The following ADAMTS6 variants were observed in gnomAD, a reference collection of about 807,000 sequenced individuals.
ADAMTS6 encodes the protein ADAM metallopeptidase with thrombospondin type 1 motif 6.
ADAMTS6 carries 23 observed loss-of-function variants against 144.3 expected under a neutral mutation model. The observed-to-expected ratio is 0.16, with a 90% CI of 0.11 to 0.23. The LOEUF is 0.23. Ranked by LOEUF, ADAMTS6 falls within the 10% of genes least tolerant of loss-of-function variation. The pLI is 1.00. For missense variants in ADAMTS6, 999 were observed against 1,379.6 expected (o/e 0.72, Z 4.37); for synonymous variants, 444 against 457.5 (o/e 0.97, Z 0.38).
At chr5:65,350,438 C>A (rs1344903995) in intron 7 of ADAMTS6, among the ~76,000 whole-genome samples, 2 of 152,126 alleles carry the variant, frequency 1.3e-5, no homozygotes, top group Non-Finnish European at 2.9e-5. Flanking sequence ...CGAACTTTCT[C>A]CAACTTTTCC....
intron 7 of ADAMTS6, among the ~76,000 whole-genome samples, chr5:65,405,684 A>G (rs1224023757): frequency 2.0e-5 from 3 of 152,178 alleles, no homozygotes. Flanking sequence ...TCTTTGAAGA[A>G]AGTCATTGGT....
chr5:65,270,038 C>T (rs1761937668), intron 12 of ADAMTS6, among the ~76,000 whole-genome samples: 1 of 152,120 alleles, frequency 6.6e-6, no homozygotes, highest in African/African-American at 2.4e-5. Context: ...AGGTGATCAG[C>T]CCACCTAGGC....
At chr5:65,370,443 A>C (rs7722316) in intron 7 of ADAMTS6, among the ~76,000 whole-genome samples, 87,135 of 152,048 alleles carry the variant, frequency 0.57, 26,419 homozygotes, top group African/African-American at 0.78. Flanking sequence ...CGAAGCAGGG[A>C]GAGGCATTGC....
chr5:65,225,970 T>G, intron 16 of ADAMTS6, 116 bp downstream of exon 16: 1 of 1,118,446 alleles, frequency 8.9e-7, no homozygotes, highest in Non-Finnish European at 1.2e-6. Context: ...AAATTGAATT[T>G]CTCTAAAATG....
intron 7 of ADAMTS6, 112 bp from the exon 8 acceptor site, chr5:65,334,197 G>A: frequency 1.6e-6 from 2 of 1,216,038 alleles, no homozygotes; most frequent in Non-Finnish European, 2.3e-6. Flanking sequence ...ATGCAATTAT[G>A]AGCAATCAAC....
intron 18 of ADAMTS6, among the ~76,000 whole-genome samples, chr5:65,219,930 G>A (rs1350976512): frequency 1.3e-5 from 2 of 152,066 alleles, no homozygotes; most frequent in East Asian, 1.9e-4. Context: ...GGGAGATATC[G>A]ACGTAATTCT....
intron 9 of ADAMTS6, among the ~76,000 whole-genome samples, chr5:65,318,921 G>T (rs964969040): frequency 6.6e-6 from 1 of 151,952 alleles, no homozygotes; most frequent in African/African-American, 2.4e-5. Flanking sequence ...ATGCTTGAGG[G>T]GTTGGATACC....
At chr5:65,171,071 A>T (rs944577369) in intron 23 of ADAMTS6, among the ~76,000 whole-genome samples, 3 of 151,284 alleles carry the variant, frequency 2.0e-5, no homozygotes, top group Non-Finnish European at 4.4e-5. Flanking sequence ...GTGCAGTGGC[A>T]CAATCTCAAC....
chr5:65,296,719 C>T (rs962561104), intron 10 of ADAMTS6, among the ~76,000 whole-genome samples: 19 of 152,164 alleles, frequency 1.2e-4, no homozygotes, highest in African/African-American at 4.3e-4. Context: ...CCTAGGTCAA[C>T]TCCGACTGTA....
At chr5:65,291,172 T>A (rs369268339) in intron 11 of ADAMTS6, among the ~76,000 whole-genome samples, 157 bp downstream of exon 11, 1 of 152,168 alleles carries the variant, frequency 6.6e-6, no homozygotes, top group African/African-American at 2.4e-5. Context: ...AGAAAAAATA[T>A]TGTACATATG....
intron 11 of ADAMTS6, among the ~76,000 whole-genome samples, chr5:65,288,773 C>T (rs1741993776): frequency 6.6e-6 from 1 of 152,204 alleles, no homozygotes; most frequent in Non-Finnish European, 1.5e-5. Flanking sequence ...GTGTTCATTT[C>T]AGCATGCTAC....
intron 24 of ADAMTS6, among the ~76,000 whole-genome samples, chr5:65,169,890 GA>G (rs1425581837): frequency 1.7e-5 from 2 of 119,358 alleles, no homozygotes; most frequent in Non-Finnish European, 3.3e-5. Flanking sequence ...CTGTGGTGGG[GA>G]GGGGGGAGGG....
At chr5:65,294,270 A>G (rs1388982121) in intron 10 of ADAMTS6, among the ~76,000 whole-genome samples, 1 of 152,162 alleles carries the variant, frequency 6.6e-6, no homozygotes, top group Admixed American at 6.6e-5. Flanking sequence ...CCCAGGCTGG[A>G]GTGAAGTGGC....
At chr5:65,171,055 G>A (rs1753594722) in intron 23 of ADAMTS6, among the ~76,000 whole-genome samples, 1 of 151,382 alleles carries the variant, frequency 6.6e-6, no homozygotes, top group African/African-American at 2.4e-5. Context: ...TGTCGCTCAG[G>A]CTGGAGTGCA....
At chr5:65,296,923 G>T (rs1436520753) in intron 10 of ADAMTS6, among the ~76,000 whole-genome samples, 3 of 152,206 alleles carry the variant, frequency 2.0e-5, no homozygotes, top group East Asian at 1.9e-4. Flanking sequence ...AAATTATTCT[G>T]TATTATTGCT....
intron 7 of ADAMTS6, among the ~76,000 whole-genome samples, chr5:65,338,450 G>A (rs1413139372): frequency 6.6e-6 from 1 of 152,246 alleles, no homozygotes; most frequent in African/African-American, 2.4e-5. Context: ...TAATCTTCTA[G>A]TCACTTTTGC....
At chr5:65,406,148 T>G (rs1280709385) in intron 7 of ADAMTS6, among the ~76,000 whole-genome samples, 1 of 152,194 alleles carries the variant, frequency 6.6e-6, no homozygotes, top group Non-Finnish European at 1.5e-5. Context: ...TTCTTTCTCC[T>G]GCCTAATTGC....
At chr5:65,309,356 C>T in intron 9 of ADAMTS6, among the ~76,000 whole-genome samples, 1 of 151,510 alleles carries the variant, frequency 6.6e-6, no homozygotes, top group African/African-American at 2.4e-5. Flanking sequence ...CAATTAAGAA[C>T]CCTCGCATAA....
chr5:65,204,307 A>T (rs1317708567), intron 20 of ADAMTS6, among the ~76,000 whole-genome samples: 1 of 152,258 alleles, frequency 6.6e-6, no homozygotes, highest in East Asian at 1.9e-4. Context: ...GAAAATTATT[A>T]TAGATAAATA....
Sources: allele counts gnomAD v4.1 joint callset (sites outside exome capture counted in the v4.1 genomes callset), GRCh38; gene constraint gnomAD v4.1.1; transcripts MANE v1.5; gene names NCBI Gene and HGNC (gene_info 2026-07-23, HGNC 2026-07-21).